Variants in KIAA0753 observed in about 807,000 individuals in gnomAD.
KIAA0753 encodes the protein KIAA0753, also known as protein moonraker.
Under a neutral mutation model 116.9 loss-of-function variants are expected in KIAA0753, and 114 were observed. That is an observed-to-expected ratio of 0.98 (90% confidence interval 0.84 to 1.14). The LOEUF (loss-of-function observed/expected upper bound fraction) is 1.14, where lower values mean the gene tolerates loss of function less well. KIAA0753 is among the 50% of genes most tolerant of loss of function. The pLI is 0.00. For synonymous variants in KIAA0753, 405 were observed against 413.1 expected, an observed-to-expected ratio of 0.98 and a Z score of 0.24; for missense variants, 1,156 against 1,172.4, an observed-to-expected ratio of 0.99 and a Z score of 0.20.
At chr17:6,632,160 C>T (rs193262237) in intron 2 of KIAA0753, among the ~76,000 whole-genome samples, 1 of 152,208 alleles carries the variant, frequency 6.6e-6, no homozygotes, top group Admixed American at 6.5e-5. Context: ...CCTTGGCCTC[C>T]CAAAGTGCTG....
chr17:6,611,550 C>T (rs79139173), intron 8 of KIAA0753, among the ~76,000 whole-genome samples: 3,128 of 152,108 alleles, frequency 0.021, 101 homozygotes, highest in African/African-American at 0.07. Flanking sequence ...CTCTCGCTTC[C>T]CAAATTGCTG....
intron 16 of KIAA0753, among the ~76,000 whole-genome samples, chr17:6,594,280 C>T (rs894945128): frequency 2.2e-4 from 7 of 31,284 alleles, no homozygotes; most frequent in South Asian, 3.1e-3. Context: ...GATTCTGACC[C>T]CCCCCCCCAG....
At chr17:6,624,413 C>T (rs185252200) in intron 4 of KIAA0753, among the ~76,000 whole-genome samples, 216 of 152,166 alleles carry the variant, frequency 1.4e-3, no homozygotes, top group Non-Finnish European at 2.7e-3. Context: ...CACCTGACTT[C>T]CCATGCAAAA....
At chr17:6,581,327 G>T (rs1875606753) in intron 18 of KIAA0753, among the ~76,000 whole-genome samples, 1 of 152,024 alleles carries the variant, frequency 6.6e-6, no homozygotes, top group South Asian at 2.1e-4. Context: ...CTTATGATCA[G>T]ATTCAGGACA....
intron 14 of KIAA0753, among the ~76,000 whole-genome samples, chr17:6,597,456 G>C (rs1206181887): frequency 6.6e-6 from 1 of 152,134 alleles, no homozygotes; most frequent in Admixed American, 6.6e-5. Flanking sequence ...AGGTCTCAAT[G>C]CAATGATACA....
intron 7 of KIAA0753, among the ~76,000 whole-genome samples, chr17:6,616,989 C>A (rs893847049): frequency 6.6e-6 from 1 of 152,184 alleles, no homozygotes; most frequent in Non-Finnish European, 1.5e-5. Context: ...AGCAGGTTTT[C>A]CAGCTTCTCT....
chr17:6,579,593 G>A lies in KIAA0753; in HGVS notation c.*154C>T. On this transcript the variant is annotated 3_prime_UTR_variant, in exon 19 of 19. Coordinates refer to ENST00000361413, the MANE Select transcript of KIAA0753 (RefSeq NM_014804.3). ...GCCATGACAAAAGAAAATGCAAAGT[G>A]AGGATGACCTCCCCGGCACTGCCTT... The A allele has an allele frequency of 1.5e-6, 1 of 646,632 alleles. No individual in the cohort carries two copies. Among genetic ancestry groups the A allele is most frequent in the Non-Finnish European group, 2.8e-6 (1 of 359,448 alleles). The allele number at this position is 646,632 out of a possible 1,614,324, so 40.1% of individuals were successfully genotyped here.
intron 7 of KIAA0753, among the ~76,000 whole-genome samples, chr17:6,617,804 G>A (rs576957649): frequency 9.9e-5 from 15 of 152,188 alleles, no homozygotes; most frequent in South Asian, 4.1e-4. Context: ...TGAAGCCTCC[G>A]TAAAAATTCT....
intron 13 of KIAA0753, 49 bp from the exon 14 acceptor site, chr17:6,599,369 C>T (rs1969696459): frequency 1.6e-6 from 2 of 1,214,896 alleles, no homozygotes; most frequent in East Asian, 4.8e-5. Flanking sequence ...CTTATAGCTC[C>T]TATTAGTACA....
At position 6,589,751 on chromosome 17, in the gene KIAA0753, A is replaced by C. The variant is rs371695535; in HGVS notation, c.2786+28T>G. ...TCTAAAATTTTGCAATTTGGTTCCT[A>C]AACAGAGGACCGTAACATTTTACTG... On this transcript the variant is annotated intron_variant, in intron 18 of 18. Coordinates refer to ENST00000361413, the MANE Select transcript of KIAA0753 (RefSeq NM_014804.3). 301 of 1,563,156 alleles carry C rather than the reference A, an allele frequency of 1.9e-4. No homozygotes were observed. In the African/African-American group the frequency reaches 3.8e-3, roughly 20 times the overall value.
At chr17:6,591,067 A>AGAAGGAAGAAG (rs1567540914) in intron 16 of KIAA0753, among the ~76,000 whole-genome samples, 27 of 63,058 alleles carry the variant, frequency 4.3e-4, no homozygotes, top group South Asian at 4.0e-3. Flanking sequence ...AAGAAGAAGA[A>AGAAGGAAGAAG]GAAGAAGAAG....
chr17:6,603,689 A>G (rs74477038), intron 12 of KIAA0753, among the ~76,000 whole-genome samples: 6,883 of 152,286 alleles, frequency 0.045, 227 homozygotes, highest in African/African-American at 0.084. Context: ...TCTTTGCCTT[A>G]TATTTCCCAG....
intron 3 of KIAA0753, among the ~76,000 whole-genome samples, chr17:6,627,501 T>TA (rs146284856): frequency 0.02 from 2,980 of 152,260 alleles, 94 homozygotes; most frequent in African/African-American, 0.068. Flanking sequence ...ACTTGTTAGT[T>TA]ACGGTAACCC....
chr17:6,579,907 G>T (rs1968018982), intron 18 of KIAA0753, 43 bp from the exon 19 acceptor site: 1 of 1,462,874 alleles, frequency 6.8e-7, no homozygotes, highest in Admixed American at 1.7e-5. Context: ...ACAAGGCCAG[G>T]CGCGGTGGCT....
rs529576813 is a variant in KIAA0753, at chr17:6,633,886, TGGGGGTTATCTAGCAAGG to T, written c.93+1107_93+1124del. ...AGTGGCTGCCTCTGGAGGGGAGGAG[TGGGGGTTATCTAGCAAGG>T]GGCATCAAGAGAACTTTCTAGGATA... On this transcript the variant is annotated intron_variant, in intron 2 of 18. Coordinates refer to ENST00000361413, the MANE Select transcript of KIAA0753 (RefSeq NM_014804.3). 8.6e-5 allele frequency among the ~76,000 whole-genome samples: 13 copies of T among 150,792 alleles called. No individual in the cohort carries two copies. In the South Asian group the frequency reaches 2.7e-3, roughly 32 times the overall value.
intron 1 of KIAA0753, chr17:6,635,872 T>C (rs1026526432): frequency 6.6e-6 from 1 of 152,262 alleles, no homozygotes; most frequent in African/African-American, 2.4e-5. Context: ...TGATCACGTA[T>C]AGTATTGTCT....
intron 4 of KIAA0753, 81 bp from the exon 5 acceptor site, chr17:6,623,652 C>A: frequency 6.6e-7 from 1 of 1,508,016 alleles, no homozygotes; most frequent in Admixed American, 2.4e-5. Flanking sequence ...CGATATATCT[C>A]CTCTTGTCCA....
Position 6,602,142 on chromosome 17 carries a change from T to C in KIAA0753, c.2010-1684A>G, listed in dbSNP as rs541678760. ...ATTGTTAGCAAGGATGTGAAACCAA[T>C]AGAAACGAACTCACATGCACTGCTG... On this transcript the variant is annotated intron_variant, in intron 12 of 18. Transcript: ENST00000361413. 2.7e-4 allele frequency among the ~76,000 whole-genome samples: 41 copies of C among 152,272 alleles called. No homozygotes were observed. In the South Asian group the frequency reaches 4.8e-3, roughly 18 times the overall value.
chr17:6,624,830 T>C lies in KIAA0753; in HGVS notation c.750A>G (p.Glu250=). ...DRLEEALDPD[E]ERRIRIRRQE... is the part of the protein sequence containing the mutation. ...GTCTCCTGATACGGATTCGACGTTC[T>C]TCATCTGGATCCAAAGCTTCTTCTA... The change falls in exon 4 of 19, where the codon GAA becomes GAG. Residue 250 remains glutamate (E), a synonymous_variant. Coordinates refer to ENST00000361413, the MANE Select transcript of KIAA0753 (RefSeq NM_014804.3). 6.4e-7 allele frequency: 1 copy of C among 1,560,978 alleles called. No homozygotes were observed. The highest frequency in any genetic ancestry group is 8.7e-7 in the Non-Finnish European group (1 of 1,150,600).
Sources: allele counts gnomAD v4.1 joint callset (sites outside exome capture counted in the v4.1 genomes callset), GRCh38; gene constraint gnomAD v4.1.1; transcripts MANE v1.5; gene names NCBI Gene and HGNC (gene_info 2026-07-23, HGNC 2026-07-21).